Variants in GRM2 observed in about 807,000 individuals in gnomAD.
GRM2 encodes the protein glutamate metabotropic receptor 2, also known as metabotropic glutamate receptor 2.
A neutral mutation model predicts 60.4 loss-of-function variants in GRM2; 35 were observed. The ratio of observed to expected loss-of-function variants is 0.58; its 90% CI spans 0.44 to 0.77. GRM2 has a LOEUF of 0.77. Among genes scored for constraint, GRM2 ranks in the 30% least tolerant of loss-of-function variants. The pLI, the probability that GRM2 is intolerant of heterozygous loss-of-function variation, is 0.00. For missense variants in GRM2, 925 were observed against 1,199.5 expected, an observed-to-expected ratio of 0.77 and a Z score of 3.38; for synonymous variants, 437 against 484.1, an observed-to-expected ratio of 0.90 and a Z score of 1.28.
In GRM2 at chr3:51,712,973, C is replaced by T; in HGVS notation, c.951C>T (p.Ile317=). The T allele has an allele frequency of 2.5e-6, 4 of 1,613,232 alleles. No homozygotes were observed. Among genetic ancestry groups the T allele is most frequent in the East Asian group, 2.2e-5 (1 of 44,882 alleles). ...SEGAAEGAIT[I]ELASYPISDF... ...GGGCTGCTGAGGGTGCTATCACCAT[C>T]GAGCTGGCCTCCTACCCCATCAGTG... Residue 317 remains isoleucine, a synonymous_variant, in exon 3 of 6, where the codon ATC becomes ATT. Coordinates refer to ENST00000395052, the MANE Select transcript of GRM2 (RefSeq NM_000839.5). The surrounding 1 kb of genome is among the most constrained non-coding windows in gnomAD (Gnocchi z 5.3).
chr3:51,715,189 C>T lies in GRM2; in HGVS notation c.1416C>T (p.Gly472=). ...GSGRYRYQKV[G]YWAEGLTLDT... ...GGCGCTATCGCTACCAGAAGGTGGG[C>T]TACTGGGCAGAAGGCTTGACTCTGG... The change falls in exon 4 of 6, where the codon GGC becomes GGT. Residue 472 remains glycine (G), a synonymous_variant. Coordinates refer to ENST00000395052, the MANE Select transcript of GRM2 (RefSeq NM_000839.5). This position sits in a 1 kb window ranked among gnomAD's most constrained non-coding sequence, Gnocchi z 9.0. 4 of 1,613,966 alleles carry T rather than the reference C, an allele frequency of 2.5e-6. No homozygotes were observed. Among genetic ancestry groups the T allele is most frequent in the Non-Finnish European group, 2.5e-6 (3 of 1,179,896 alleles).
rs1703777358 is a variant in GRM2 at position 51,713,114 on chromosome 3, C to T, written c.1092C>T (p.Ala364=). 1 of 1,612,990 alleles carries T rather than the reference C, an allele frequency of 6.2e-7. No individual in the cohort carries two copies. Residue 364 remains alanine, a synonymous_variant, in exon 3 of 6, where the codon GCC becomes GCT. Coordinates refer to ENST00000395052, the MANE Select transcript of GRM2 (RefSeq NM_000839.5). This position sits in a 1 kb window ranked among gnomAD's most constrained non-coding sequence, Gnocchi z 4.8. ...GCTTCCGGCAGCGAGACTGCGCAGC[C>T]CACTCTCTCCGGGCTGTGCCCTTTG... ...RCSFRQRDCA[A]HSLRAVPFEQ... is the part of the protein sequence containing the mutation.
In GRM2 at chr3:51,715,667, T is replaced by C; in HGVS notation, c.1894T>C (p.Cys632Arg). The change falls in exon 4 of 6, where the codon TGT (cysteine) becomes CGT (arginine). Residue 632 changes from cysteine to arginine, a missense_variant. Physicochemically the swap from Cys to Arg is radical, Grantham distance 180. Transcript: ENST00000395052. This position sits in a 1 kb window ranked among gnomAD's most constrained non-coding sequence, Gnocchi z 9.0. ...CATTGCCAAGCCATCCACGGCAGTG[T>C]GTACCTTACGGCGTCTTGGTTTGGG... is the stretch of plus-strand genomic sequence containing the variant. ...IFIAKPSTAVCTLRRLGLGTA... is the reference protein window; with the variant it reads ...IFIAKPSTAVRTLRRLGLGTA... The C allele has an allele frequency of 6.2e-7, 1 of 1,614,248 alleles. No individual in the cohort carries two copies. Among genetic ancestry groups the C allele is most frequent in the Non-Finnish European group, 8.5e-7 (1 of 1,180,028 alleles).
In GRM2 at chr3:51,709,818, C is replaced by G. The variant is rs1241616089; in HGVS notation, c.450+385C>G. Among the ~76,000 whole-genome samples the G allele has an allele frequency of 9.2e-5, 12 of 130,746 alleles. 1 individual carries two copies. Among genetic ancestry groups the G allele is most frequent in the Middle Eastern group, 3.4e-3 (1 of 296 alleles). 85.8% of individuals were successfully genotyped at this position (130,746 alleles called of 152,430 possible). On this transcript the variant is annotated intron_variant, in intron 2 of 5. Coordinates refer to ENST00000395052, the MANE Select transcript of GRM2 (RefSeq NM_000839.5). ...CACCCCACACCCACCCCCACACCCA[C>G]ACACACACCCAGACACACACACCCT...
At chr3:51,709,495 C>T in intron 2 of GRM2, 62 bp downstream of exon 2, 1 of 1,238,072 alleles carries the variant, frequency 8.1e-7, no homozygotes, top group Non-Finnish European at 1.1e-6. Flanking sequence ...ACCCAGAATT[C>T]CTGCTGAAAA....
In GRM2 at chr3:51,718,486, T is replaced by A. The variant is rs531174376; in HGVS notation, c.*374T>A. The stretch of plus-strand genomic sequence containing the variant: ...CTCCCCCCAACTAGGGCCTTTTTTA[T>A]TTTTTATATAAGTTACTCTGGGATG... On this transcript the variant is annotated 3_prime_UTR_variant, in exon 6 of 6. Transcript: ENST00000395052. This position sits in a 1 kb window ranked among gnomAD's most constrained non-coding sequence, Gnocchi z 4.2. 515 of 224,568 alleles carry A rather than the reference T, an allele frequency of 2.3e-3. No individual in the cohort carries two copies. Among genetic ancestry groups the A allele is most frequent in the Non-Finnish European group, 3.5e-3 (400 of 113,652 alleles). The allele number at this position is 224,568 out of a possible 1,614,324, so 13.9% of individuals were successfully genotyped here. A position where few individuals can be genotyped will look rare whatever the true frequency, so the allele number is the denominator to read the frequency against.
At chr3:51,710,370 G>A (rs966306798) in intron 2 of GRM2, among the ~76,000 whole-genome samples, 8 of 152,226 alleles carry the variant, frequency 5.3e-5, no homozygotes, top group African/African-American at 1.9e-4. Flanking sequence ...CAGGGGCCCG[G>A]CAAGTCATAA....
chr3:51,708,103 C>T (rs563126630), intron 1 of GRM2: 1 of 151,940 alleles, frequency 6.6e-6, no homozygotes. Flanking sequence ...CTCTCACCCT[C>T]AGCACTGTTT....
Position 51,713,167 on chromosome 3 carries a change from T to C in GRM2, c.1145T>C (p.Val382Ala), listed in dbSNP as rs144039519. The C allele has an allele frequency of 3.1e-6, 5 of 1,613,020 alleles. No individual in the cohort carries two copies. The African/African-American group carries it at 5.3e-5, about 17-fold the overall frequency. ...FEQESKIMFVVNAVYAMAHAL... is the reference protein window; with the variant it reads ...FEQESKIMFVANAVYAMAHAL... ...CAGGAGTCCAAGATCATGTTTGTGG[T>C]CAATGCAGTGTACGCCATGGCCCAT... Residue 382 changes from valine (V) to alanine (A), a missense_variant, in exon 3 of 6, where the codon GTC becomes GCC. By Grantham distance (64) the Val-to-Ala change is moderately conservative. Transcript: ENST00000395052. This position sits in a 1 kb window ranked among gnomAD's most constrained non-coding sequence, Gnocchi z 4.8.
chr3:51,718,461 CT>C lies in GRM2; in HGVS notation c.*350del, dbSNP rs1440219248. On this transcript the variant is annotated 3_prime_UTR_variant, in exon 6 of 6. Transcript: ENST00000395052. The surrounding 1 kb of genome is among the most constrained non-coding windows in gnomAD (Gnocchi z 4.2). ...AGCAAAGGTGCTTCCAGCCCAGCCC[CT>C]CCCCCCAACTAGGGCCTTTTTTATT... 3 of 269,456 alleles carry C rather than the reference CT, an allele frequency of 1.1e-5. No homozygotes were observed. Among genetic ancestry groups the C allele is most frequent in the Non-Finnish European group, 2.1e-5 (3 of 142,494 alleles). 16.7% of individuals were successfully genotyped at this position (269,456 alleles called of 1,614,324 possible).
At position 51,717,874 on chromosome 3, in the gene GRM2, G is replaced by C. The variant is rs1703961670; in HGVS notation, c.2545+57G>C. ...TCCCCTCTCCCTGTCCAGCTCCTTG[G>C]GTTGCTGAGATCTCTTGTCTGGGGG... On this transcript the variant is annotated intron_variant, in intron 5 of 5. Transcript: ENST00000395052. The surrounding 1 kb of genome is among the most constrained non-coding windows in gnomAD (Gnocchi z 6.0). 1 of 1,549,674 alleles carries C rather than the reference G, an allele frequency of 6.5e-7. No individual in the cohort carries two copies. The highest frequency in any genetic ancestry group is 8.9e-7 in the Non-Finnish European group (1 of 1,123,536).
At chr3:51,707,305 CG>C (rs1017898449) in intron 1 of GRM2, 138 bp downstream of exon 1, 1 of 152,774 alleles carries the variant, frequency 6.5e-6, no homozygotes, top group Non-Finnish European at 1.5e-5. Flanking sequence ...CTGAGAGCTC[CG>C]GGAAGCGGGA....
rs775879013 is a variant in GRM2 at position 51,713,133 on chromosome 3, C to A, written c.1111C>A (p.Pro371Thr). 2.4e-5 allele frequency: 38 copies of A among 1,613,038 alleles called. No homozygotes were observed. Among genetic ancestry groups the A allele is most frequent in the Non-Finnish European group, 3.1e-5 (36 of 1,180,050 alleles). ...CGCAGCCCACTCTCTCCGGGCTGTGCCCTTTGAGCAGGAGTCCAAGATCAT... is the reference window on the plus strand; with the variant it reads ...CGCAGCCCACTCTCTCCGGGCTGTGACCTTTGAGCAGGAGTCCAAGATCAT... ...DCAAHSLRAV[P>T]FEQESKIMFV... The change falls in exon 3 of 6, where the codon CCC (proline) becomes ACC (threonine). Residue 371 changes from proline to threonine, a missense_variant. Transcript: ENST00000395052. This position sits in a 1 kb window ranked among gnomAD's most constrained non-coding sequence, Gnocchi z 4.8.
Position 51,716,165 on chromosome 3 carries a change from G to T in GRM2, c.2364+28G>T. On this transcript the variant is annotated intron_variant, in intron 4 of 5. Transcript: ENST00000395052. The surrounding 1 kb of genome is among the most constrained non-coding windows in gnomAD (Gnocchi z 4.0). Reference sequence around the variant, plus strand: ...GAGCTACCTGCCACAGAGGTCGGGGGAGATGGGACACCAGACCCTCTGTTT... The same window carrying T: ...GAGCTACCTGCCACAGAGGTCGGGGTAGATGGGACACCAGACCCTCTGTTT... The T allele has an allele frequency of 7.0e-7, 1 of 1,422,140 alleles. No individual in the cohort carries two copies. Among genetic ancestry groups the T allele is most frequent in the South Asian group, 1.2e-5 (1 of 86,574 alleles). The allele number at this position is 1,422,140 out of a possible 1,614,324, so 88.1% of individuals were successfully genotyped here. A position where few individuals can be genotyped will look rare whatever the true frequency, so the allele number is the denominator to read the frequency against.
intron 2 of GRM2, chr3:51,711,163 A>G (rs992757171): frequency 1.3e-5 from 2 of 151,982 alleles, no homozygotes; most frequent in African/African-American, 2.4e-5. Flanking sequence ...AATCCCAGAC[A>G]CTGGAGGTGG....
In GRM2 at chr3:51,715,536, T is replaced by G. The variant is rs368726639; in HGVS notation, c.1763T>G (p.Val588Gly). ...CTGGCCACCCTCTTTGTGCTGGGTG[T>G]CTTTGTGCGGCACAATGCCACACCA... ...GALATLFVLG[V>G]FVRHNATPVV... The change falls in exon 4 of 6, where the codon GTC (valine) becomes GGC (glycine). Residue 588 changes from valine (V) to glycine (G), a missense_variant. Transcript: ENST00000395052. This position sits in a 1 kb window ranked among gnomAD's most constrained non-coding sequence, Gnocchi z 9.0. The G allele has an allele frequency of 2.5e-6, 4 of 1,613,684 alleles. No homozygotes were observed. The highest frequency in any genetic ancestry group is 3.4e-6 in the Non-Finnish European group (4 of 1,180,048).
In GRM2 at chr3:51,709,349, C is replaced by T. The variant is rs772553844; in HGVS notation, c.366C>T (p.Pro122=). 4 of 1,594,548 alleles carry T rather than the reference C, an allele frequency of 2.5e-6. No homozygotes were observed. The highest frequency in any genetic ancestry group is 2.3e-5 in the East Asian group (1 of 44,308). ...CTGATGGCTCACGCCACATCTGCCC[C>T]GACGGCTCTTATGCGACCCATGGTG... The part of the protein sequence containing the change: ...RGADGSRHIC[P]DGSYATHGDA... The change falls in exon 2 of 6, where the codon CCC becomes CCT. Residue 122 remains proline, a synonymous_variant. Coordinates refer to ENST00000395052, the MANE Select transcript of GRM2 (RefSeq NM_000839.5).
chr3:51,714,848 G>A, intron 3 of GRM2: 1 of 436,104 alleles, frequency 2.3e-6, no homozygotes, highest in Non-Finnish European at 4.0e-6. Context: ...TAGGGTTGGG[G>A]TTTGATGTTG....
Position 51,709,377 on chromosome 3 carries a change from G to A in GRM2, c.394G>A (p.Ala132Thr), listed in dbSNP as rs1703611927. The change falls in exon 2 of 6, where the codon GCT (alanine) becomes ACT (threonine). Residue 132 changes from alanine to threonine, a missense_variant. Ala to Thr is a moderately conservative substitution (Grantham distance 58). Coordinates refer to ENST00000395052, the MANE Select transcript of GRM2 (RefSeq NM_000839.5). ...PDGSYATHGD[A>T]PTAITGVIGG... ...CGGCTCTTATGCGACCCATGGTGAT[G>A]CTCCCACTGCCATCACTGGTGTTAT... 6.3e-7 allele frequency: 1 copy of A among 1,583,084 alleles called. No individual in the cohort carries two copies.
Sources: gnomAD v4.1 joint callset for allele counts (sites outside exome capture counted in the v4.1 genomes callset) on GRCh38, gnomAD v4.1.1 for gene constraint, Gnocchi (gnomAD v3.1) non-coding constraint, MANE v1.5 for transcripts, NCBI Gene and HGNC (gene_info 2026-07-23, HGNC 2026-07-21) for gene names.